The following PRKCB variants were observed in gnomAD, a reference collection of about 807,000 sequenced individuals.
The protein encoded by PRKCB is protein kinase C beta type.
PRKCB carries 13 observed loss-of-function variants against 81.5 expected under a neutral mutation model. The observed-to-expected ratio is 0.16, with a 90% CI of 0.10 to 0.25. PRKCB has a LOEUF of 0.25. PRKCB is among the 10% of genes least tolerant of loss of function. PRKCB has a pLI of 1.00. For missense variants in PRKCB, 509 were observed against 875.7 expected (o/e 0.58, Z 5.29); for synonymous variants, 335 against 321.4 (o/e 1.04, Z -0.45).
At chr16:24,082,372 T>C (rs943130879) in intron 5 of PRKCB, among the ~76,000 whole-genome samples, 3 of 152,148 alleles carry the variant, frequency 2.0e-5, no homozygotes, top group Admixed American at 6.5e-5. Flanking sequence ...CTAAAACTTG[T>C]ATAGAAGGGC....
At chr16:23,852,236 A>G (rs1420126438) in intron 2 of PRKCB, among the ~76,000 whole-genome samples, 1 of 152,214 alleles carries the variant, frequency 6.6e-6, no homozygotes, top group Non-Finnish European at 1.5e-5. Context: ...GATGTTAGCT[A>G]CGGGTTTGTC....
intron 15 of PRKCB, among the ~76,000 whole-genome samples, chr16:24,190,545 GTCTC>G (rs1400828259): frequency 1.4e-5 from 2 of 142,374 alleles, no homozygotes; most frequent in Non-Finnish European, 3.0e-5. Context: ...TTGAGATGGA[GTCTC>G]TCTCTGTCGC....
chr16:24,146,596 C>T (rs1170876688), intron 9 of PRKCB, among the ~76,000 whole-genome samples: 2 of 152,128 alleles, frequency 1.3e-5, no homozygotes, highest in South Asian at 2.1e-4. Context: ...AGTCAGGGGC[C>T]GAGATTCCAG....
chr16:24,091,197 A>G (rs1374810981), intron 5 of PRKCB, among the ~76,000 whole-genome samples: 1 of 152,192 alleles, frequency 6.6e-6, no homozygotes, highest in African/African-American at 2.4e-5. Flanking sequence ...GATAGCCTTT[A>G]TCCTGTTAAA....
At chr16:24,177,381 T>C (rs1262727683) in intron 12 of PRKCB, among the ~76,000 whole-genome samples, 2 of 152,202 alleles carry the variant, frequency 1.3e-5, no homozygotes, top group African/African-American at 4.8e-5. Flanking sequence ...TCTTCCACTA[T>C]TAATATGGTC....
chr16:24,191,644 T>A (rs1429244615), intron 16 of PRKCB: 1 of 157,154 alleles, frequency 6.4e-6, no homozygotes, highest in Non-Finnish European at 1.4e-5. Context: ...ATGTTGTTTA[T>A]CTCAACAGTA....
intron 2 of PRKCB, among the ~76,000 whole-genome samples, chr16:23,847,004 C>A (rs1962381003): frequency 6.6e-6 from 1 of 152,060 alleles, no homozygotes. Context: ...CCTACAGAGT[C>A]AGGAGGAGAA....
intron 16 of PRKCB, among the ~76,000 whole-genome samples, chr16:24,193,468 T>TAAATAAATA (rs1555501777): frequency 0.016 from 1,622 of 103,556 alleles, 37 homozygotes; most frequent in African/African-American, 0.06. Context: ...AATAAATAAA[T>TAAATAAATA]AAATAAATAA....
intron 10 of PRKCB, among the ~76,000 whole-genome samples, chr16:24,169,858 C>T (rs1004687580): frequency 6.6e-6 from 1 of 152,098 alleles, no homozygotes; most frequent in Non-Finnish European, 1.5e-5. Context: ...CTCACTGCAA[C>T]CTCCACCTCC....
intron 8 of PRKCB, among the ~76,000 whole-genome samples, chr16:24,115,725 T>A (rs1274439860): frequency 6.6e-6 from 1 of 152,022 alleles, no homozygotes; most frequent in East Asian, 1.9e-4. Context: ...GATTTTGTTT[T>A]GTTTTGTTTT....
At chr16:24,166,360 T>C (rs916345149) in intron 10 of PRKCB, among the ~76,000 whole-genome samples, 8 of 152,318 alleles carry the variant, frequency 5.3e-5, no homozygotes, top group Admixed American at 6.5e-5. Flanking sequence ...ATCTTAAAGC[T>C]GGTTGGGAGA....
chr16:24,194,865 C>T (rs1373548299), intron 16 of PRKCB, among the ~76,000 whole-genome samples: 4 of 152,132 alleles, frequency 2.6e-5, no homozygotes, highest in Non-Finnish European at 5.9e-5. Flanking sequence ...TCTAAAGGAG[C>T]AGGTGCTACC....
chr16:23,836,201 C>G lies in PRKCB; in HGVS notation c.26C>G (p.Pro9Arg). The G allele has an allele frequency of 1.9e-6, 3 of 1,571,560 alleles. No individual in the cohort carries two copies. Among genetic ancestry groups the G allele is most frequent in the Non-Finnish European group, 2.6e-6 (3 of 1,161,550 alleles). The change falls in exon 1 of 17, where the codon CCG becomes CGG. Residue 9 changes from proline (P) to arginine (R), a missense_variant. Around this residue, in one of 6 missense-constraint regions of PRKCB, gnomAD observed 33 missense variants for 21.9 expected, o/e 1.50. Coordinates refer to ENST00000643927, the MANE Select transcript of PRKCB (RefSeq NM_002738.7). MADPAAGP[P>R]PSEGEESTVR... ...ATGGCTGACCCGGCTGCGGGGCCGC[C>G]GCCGAGCGAGGGCGAGGAGAGCACC...
At chr16:23,975,025 A>T (rs1024048084) in intron 2 of PRKCB, among the ~76,000 whole-genome samples, 4 of 152,196 alleles carry the variant, frequency 2.6e-5, no homozygotes, top group African/African-American at 9.7e-5. Flanking sequence ...CATACCGTGG[A>T]GAAAGGATGG....
At chr16:24,129,868 A>T (rs1199826902) in intron 9 of PRKCB, among the ~76,000 whole-genome samples, 1 of 152,218 alleles carries the variant, frequency 6.6e-6, no homozygotes, top group African/African-American at 2.4e-5. Flanking sequence ...GCTTTCATTA[A>T]ACTTTTTCTT....
chr16:24,187,982 T>C (rs1300706255), intron 15 of PRKCB, among the ~76,000 whole-genome samples: 1 of 152,252 alleles, frequency 6.6e-6, no homozygotes, highest in Non-Finnish European at 1.5e-5. Flanking sequence ...TTGCATGATG[T>C]GGGCACATAG....
At chr16:24,055,959 T>G (rs747954956) in intron 5 of PRKCB, among the ~76,000 whole-genome samples, 3 of 152,202 alleles carry the variant, frequency 2.0e-5, no homozygotes, top group Non-Finnish European at 4.4e-5. Context: ...AAGGGGAAAC[T>G]GAGGCTCAGA....
intron 2 of PRKCB, among the ~76,000 whole-genome samples, chr16:23,965,917 T>C (rs1366163318): frequency 7.2e-5 from 11 of 152,238 alleles, no homozygotes; most frequent in Admixed American, 7.2e-4. Context: ...CCAGTGTCAC[T>C]TGAGTCCAAG....
chr16:23,947,439 A>G (rs562368443), intron 2 of PRKCB, among the ~76,000 whole-genome samples: 1 of 152,252 alleles, frequency 6.6e-6, no homozygotes, highest in South Asian at 2.1e-4. Context: ...TTGCTGGGCA[A>G]TCTTTGTCAT....
Sources: gnomAD v4.1 joint callset for allele counts (sites outside exome capture counted in the v4.1 genomes callset) on GRCh38, gnomAD v4.1.1 for gene constraint, gnomAD v4.1.1 regional missense constraint, MANE v1.5 for transcripts, NCBI Gene and HGNC (gene_info 2026-07-23, HGNC 2026-07-21) for gene names.